Variants in STAT3 observed in about 807,000 individuals in gnomAD.
STAT3 encodes signal transducer and activator of transcription 3.
In STAT3, 7 loss-of-function variants were observed where a neutral mutation model predicts 114.3. The observed-to-expected ratio is 0.06, with a 90% CI of 0.03 to 0.11. The LOEUF is 0.11. Among genes scored for constraint, STAT3 ranks in the 10% least tolerant of loss-of-function variants. The pLI is 1.00. For missense variants in STAT3, 364 were observed against 960.9 expected (o/e 0.38, Z 8.21); for synonymous variants, 331 against 354.5 (o/e 0.93, Z 0.74).
At chr17:42,318,007 G>A (rs1190365800) in intron 21 of STAT3, among the ~76,000 whole-genome samples, 2 of 152,134 alleles carry the variant, frequency 1.3e-5, no homozygotes, top group East Asian at 1.9e-4. Context: ...AGGCTCAAGT[G>A]CAGTGGCACA....
At chr17:42,367,675 C>T (rs886565928) in intron 1 of STAT3, among the ~76,000 whole-genome samples, 4 of 152,192 alleles carry the variant, frequency 2.6e-5, no homozygotes, top group African/African-American at 9.7e-5. Flanking sequence ...CTGCTGAATT[C>T]TCCTTTACAG....
intron 1 of STAT3, among the ~76,000 whole-genome samples, chr17:42,374,778 C>T (rs1369346181): frequency 1.3e-5 from 2 of 152,174 alleles, no homozygotes; most frequent in African/African-American, 4.8e-5. Context: ...AGTGACTACA[C>T]ATGGATGCAA....
At position 42,346,726 on chromosome 17, in the gene STAT3, A is replaced by T; in HGVS notation, c.129-13T>A. On this transcript the variant is annotated splice_polypyrimidine_tract_variant and intron_variant, in intron 2 of 23. Coordinates refer to ENST00000264657, the MANE Select transcript of STAT3 (RefSeq NM_139276.3). ...GGCCGCATATGCCCTAGGAAAAGGA[A>T]GAATGATAAAGAATGGCTCTGAAGC... 1 of 1,614,168 alleles carries T rather than the reference A, an allele frequency of 6.2e-7. No individual in the cohort carries two copies. The highest frequency in any genetic ancestry group is 1.1e-5 in the South Asian group (1 of 91,088).
chr17:42,316,382 T>G, intron 23 of STAT3: 2 of 367,790 alleles, frequency 5.4e-6, no homozygotes, highest in Non-Finnish European at 1.0e-5. Context: ...ATTACAGGTA[T>G]GCGCCACCAT....
intron 2 of STAT3, among the ~76,000 whole-genome samples, chr17:42,346,937 C>T (rs1435026944): frequency 6.6e-6 from 1 of 151,920 alleles, no homozygotes; most frequent in African/African-American, 2.4e-5. Flanking sequence ...GCCTGTAATC[C>T]CAGCACTTTG....
At chr17:42,329,719 C>T (rs756070509) in intron 12 of STAT3, 28 bp downstream of exon 12, 3 of 1,614,100 alleles carry the variant, frequency 1.9e-6, no homozygotes, top group Admixed American at 1.7e-5. Context: ...TTAAACGGAA[C>T]AAAAGGAAGC....
intron 1 of STAT3, among the ~76,000 whole-genome samples, chr17:42,365,100 G>C (rs1164962152): frequency 6.6e-6 from 1 of 152,108 alleles, no homozygotes; most frequent in East Asian, 1.9e-4. Context: ...GAGAGGAGGG[G>C]GTCTTTGTTC....
intron 14 of STAT3, among the ~76,000 whole-genome samples, chr17:42,327,735 T>C (rs1239885051): frequency 6.6e-6 from 1 of 152,082 alleles, no homozygotes; most frequent in Non-Finnish European, 1.5e-5. Flanking sequence ...TAAGTAAGAG[T>C]TGTCAATGAA....
intron 1 of STAT3, among the ~76,000 whole-genome samples, chr17:42,354,237 T>C (rs2083114988): frequency 6.8e-6 from 1 of 148,090 alleles, no homozygotes; most frequent in South Asian, 2.2e-4. Context: ...TGGGGCGATC[T>C]TGGCTCACTG....
intron 1 of STAT3, among the ~76,000 whole-genome samples, chr17:42,354,828 C>T (rs2083155242): frequency 8.8e-6 from 1 of 113,786 alleles, no homozygotes; most frequent in Non-Finnish European, 1.8e-5. Context: ...AAAGAAGGCA[C>T]CAGGGCACCA....
chr17:42,324,593 T>G lies in STAT3; in HGVS notation c.1600+118A>C. 7.0e-7 allele frequency: 1 copy of G among 1,426,024 alleles called. No individual in the cohort carries two copies. The highest frequency in any genetic ancestry group is 2.5e-5 in the East Asian group (1 of 39,900). 88.3% of individuals were successfully genotyped at this position (1,426,024 alleles called of 1,614,324 possible). A position where few individuals can be genotyped will look rare whatever the true frequency, so the allele number is the denominator to read the frequency against. On this transcript the variant is annotated intron_variant, in intron 17 of 23. Transcript: ENST00000264657. The surrounding 1 kb of genome is among the most constrained non-coding windows in gnomAD (Gnocchi z 4.5). ...TGTTTCCTGGCACCAGCACAGCGCC[T>G]TGCTCAGGAAAGAAACATGGCCTAA...
At chr17:42,366,527 C>T (rs1472120327) in intron 1 of STAT3, among the ~76,000 whole-genome samples, 3 of 151,944 alleles carry the variant, frequency 2.0e-5, no homozygotes, top group Non-Finnish European at 4.4e-5. Context: ...AAAAATTAGC[C>T]GGATATAGTG....
chr17:42,334,979 G>A (rs916672993), intron 8 of STAT3, among the ~76,000 whole-genome samples: 3 of 152,170 alleles, frequency 2.0e-5, no homozygotes, highest in African/African-American at 4.8e-5. Flanking sequence ...CAGAAAAAGA[G>A]ATTAGACAGC....
chr17:42,336,979 A>T (rs1235536504), intron 8 of STAT3, among the ~76,000 whole-genome samples: 1 of 151,958 alleles, frequency 6.6e-6, no homozygotes, highest in African/African-American at 2.4e-5. Context: ...ACTTTATTTT[A>T]TTTTTATTTT....
At chr17:42,363,315 T>C (rs1175491777) in intron 1 of STAT3, among the ~76,000 whole-genome samples, 1 of 152,082 alleles carries the variant, frequency 6.6e-6, no homozygotes, top group Non-Finnish European at 1.5e-5. Flanking sequence ...AAGAGTAAAA[T>C]CACAGCACTC....
rs573079206 is a variant in STAT3 at position 42,324,706 on chromosome 17, C to T, written c.1600+5G>A. On this transcript the variant is annotated splice_donor_5th_base_variant and intron_variant, in intron 17 of 23. Coordinates refer to ENST00000264657, the MANE Select transcript of STAT3 (RefSeq NM_139276.3). This position sits in a 1 kb window ranked among gnomAD's most constrained non-coding sequence, Gnocchi z 4.5. ...GGCGGGAGGGAGAAGGGGTGAAATGCGGACCCAAGAGTTTCTCTGCCAGTG... is the reference window on the plus strand; with the variant it reads ...GGCGGGAGGGAGAAGGGGTGAAATGTGGACCCAAGAGTTTCTCTGCCAGTG... 25 of 1,608,866 alleles carry T rather than the reference C, an allele frequency of 1.6e-5. No individual in the cohort carries two copies. In the East Asian group the frequency reaches 1.6e-4, roughly 10 times the overall value.
chr17:42,333,551 G>A lies in STAT3; in HGVS notation c.1049+122C>T, dbSNP rs1271843522. On this transcript the variant is annotated intron_variant, in intron 10 of 23. Coordinates refer to ENST00000264657, the MANE Select transcript of STAT3 (RefSeq NM_139276.3). The surrounding 1 kb of genome is among the most constrained non-coding windows in gnomAD (Gnocchi z 5.2). Reference sequence around the variant, plus strand: ...TAGTATGGCAACAAATTTCAACCCCGCAACAGTGTACTGCCTGTGACACCA... The same window carrying A: ...TAGTATGGCAACAAATTTCAACCCCACAACAGTGTACTGCCTGTGACACCA... 2.0e-5 allele frequency: 22 copies of A among 1,121,676 alleles called. No individual in the cohort carries two copies. The highest frequency in any genetic ancestry group is 2.6e-5 in the South Asian group (2 of 76,852). The allele number at this position is 1,121,676 out of a possible 1,614,324, so 69.5% of individuals were successfully genotyped here. A position where few individuals can be genotyped will look rare whatever the true frequency, so the allele number is the denominator to read the frequency against.
At chr17:42,318,110 C>A (rs1051017993) in intron 21 of STAT3, among the ~76,000 whole-genome samples, 3 of 150,448 alleles carry the variant, frequency 2.0e-5, no homozygotes, top group East Asian at 4.0e-4. Context: ...CACCACCATG[C>A]CTGGCTAATT....
intron 1 of STAT3, among the ~76,000 whole-genome samples, chr17:42,384,900 C>A (rs1471047735): frequency 6.6e-6 from 1 of 152,114 alleles, no homozygotes; most frequent in Non-Finnish European, 1.5e-5. Flanking sequence ...CAGTTGAAAT[C>A]CCTCTTTGGC....
Sources: gnomAD v4.1 joint callset for allele counts (sites outside exome capture counted in the v4.1 genomes callset) on GRCh38, gnomAD v4.1.1 for gene constraint, Gnocchi (gnomAD v3.1) non-coding constraint, MANE v1.5 for transcripts, NCBI Gene and HGNC (gene_info 2026-07-23, HGNC 2026-07-21) for gene names.